Variants in ZNF138 observed in about 807,000 individuals in gnomAD.
ZNF138 encodes the protein zinc finger protein 138.
ZNF138 carries 33 observed loss-of-function variants against 33.0 expected under a neutral mutation model. The ratio of observed to expected loss-of-function variants is 1.00; its 90% CI spans 0.76 to 1.34. The LOEUF is 1.34. ZNF138 is among the 40% of genes most tolerant of loss of function. The pLI is 0.00. For synonymous variants in ZNF138, 139 were observed against 120.4 expected (o/e 1.15, Z -1.01); for missense variants, 360 against 370.8 (o/e 0.97, Z 0.24).
intron 3 of ZNF138, among the ~76,000 whole-genome samples, chr7:64,828,661 A>G (rs1163637278): frequency 6.6e-6 from 1 of 152,116 alleles, no homozygotes; most frequent in South Asian, 2.1e-4. Context: ...GAAAGTATAT[A>G]TATGTTGCAT....
the ZNF138 span, among the ~76,000 whole-genome samples, chr7:64,859,636 A>G: frequency 5.9e-5 from 9 of 152,230 alleles, no homozygotes; most frequent in African/African-American, 2.2e-4. Flanking sequence ...ATTGCAATGT[A>G]GTAAAGTTGA....
At chr7:64,830,273 G>A (rs1473631705) in intron 3 of ZNF138, among the ~76,000 whole-genome samples, 1 of 151,608 alleles carries the variant, frequency 6.6e-6, no homozygotes, top group Non-Finnish European at 1.5e-5. Flanking sequence ...AGTTTGTTGA[G>A]CCTTTTCATT....
chr7:64,813,037 G>GT (rs1788308972), intron 1 of ZNF138, among the ~76,000 whole-genome samples: 1 of 147,832 alleles, frequency 6.8e-6, no homozygotes, highest in Admixed American at 6.7e-5. Flanking sequence ...GAAAAAAAAT[G>GT]TTTTTTCCTG....
the ZNF138 span, among the ~76,000 whole-genome samples, chr7:64,839,288 G>T: frequency 6.6e-6 from 1 of 152,190 alleles, no homozygotes; most frequent in Non-Finnish European, 1.5e-5. Context: ...AAGTTGGGAG[G>T]TTGCGCAGGA....
intron 2 of ZNF138, 83 bp from the exon 3 acceptor site, chr7:64,815,493 T>G: frequency 8.1e-7 from 1 of 1,238,110 alleles, no homozygotes; most frequent in Non-Finnish European, 1.2e-6. Context: ...ACTGAGCACA[T>G]TACTAGGTTG....
Position 64,830,986 on chromosome 7 carries a change from C to A in ZNF138, c.209-465C>A, listed in dbSNP as rs774770272. On this transcript the variant is annotated intron_variant, in intron 3 of 3. Coordinates refer to ENST00000307355, the MANE Select transcript of ZNF138 (RefSeq NM_001271639.2). ...TCAGTGGACTCAACATTTTGTCATT[C>A]CAAAGTATCCTGCCATTTGTTTCAG... The A allele has an allele frequency of 3.9e-6, 6 of 1,551,588 alleles. No homozygotes were observed. The South Asian group carries it at 7.1e-5, about 18-fold the overall frequency.
At chr7:64,808,645 G>T (rs1261118466) in intron 1 of ZNF138, among the ~76,000 whole-genome samples, 1 of 150,088 alleles carries the variant, frequency 6.7e-6, no homozygotes, top group African/African-American at 2.4e-5. Context: ...CACAGAGGGG[G>T]ATTTGGCAGG....
intron 3 of ZNF138, among the ~76,000 whole-genome samples, chr7:64,816,686 C>A (rs759470654): frequency 2.6e-5 from 4 of 151,900 alleles, no homozygotes; most frequent in Non-Finnish European, 5.9e-5. Flanking sequence ...TAAACTAATT[C>A]TTTTGCCACA....
intron 3 of ZNF138, among the ~76,000 whole-genome samples, chr7:64,816,642 T>C (rs961619915): frequency 6.6e-6 from 1 of 152,242 alleles, no homozygotes. Flanking sequence ...AGCAACGTTT[T>C]ACTTGTCTTC....
chr7:64,825,370 C>T (rs1240542764), intron 3 of ZNF138, among the ~76,000 whole-genome samples: 1 of 151,042 alleles, frequency 6.6e-6, no homozygotes, highest in African/African-American at 2.4e-5. Flanking sequence ...GACGGAGTCT[C>T]ACCGTGTTAG....
intron 1 of ZNF138, among the ~76,000 whole-genome samples, chr7:64,798,295 G>C (rs1562883377): frequency 1.3e-5 from 2 of 152,204 alleles, no homozygotes; most frequent in Non-Finnish European, 2.9e-5. Flanking sequence ...AAGTTTTTAG[G>C]AGAAACATAA....
At chr7:64,859,075 A>G in the ZNF138 span, among the ~76,000 whole-genome samples, 1 of 151,986 alleles carries the variant, frequency 6.6e-6, no homozygotes, top group African/African-American at 2.4e-5. Flanking sequence ...TTACAGGCAC[A>G]CACCACCACA....
At chr7:64,829,252 A>G (rs764537400) in intron 3 of ZNF138, among the ~76,000 whole-genome samples, 26 of 149,784 alleles carry the variant, frequency 1.7e-4, no homozygotes, top group Non-Finnish European at 8.9e-5. Context: ...CTCTTTCCTT[A>G]CTAATATTTT....
At chr7:64,817,971 A>G (rs1788798076) in intron 3 of ZNF138, among the ~76,000 whole-genome samples, 1 of 150,134 alleles carries the variant, frequency 6.7e-6, no homozygotes, top group Non-Finnish European at 1.5e-5. Context: ...GTATCTTAAT[A>G]ATAACATTAT....
downstream of ZNF138, among the ~76,000 whole-genome samples, chr7:64,837,166 G>T (rs146145776): frequency 6.6e-6 from 1 of 152,150 alleles, no homozygotes; most frequent in African/African-American, 2.4e-5. Flanking sequence ...GGGGAGGGAA[G>T]TGACAGTCCA....
At chr7:64,816,433 G>C (rs1467282923) in intron 3 of ZNF138, among the ~76,000 whole-genome samples, 1 of 149,626 alleles carries the variant, frequency 6.7e-6, no homozygotes, top group Non-Finnish European at 1.5e-5. Context: ...GTTCTCAGAA[G>C]TTTATTATTG....
chr7:64,825,565 G>A (rs1789537149), intron 3 of ZNF138, among the ~76,000 whole-genome samples: 1 of 138,372 alleles, frequency 7.2e-6, no homozygotes, highest in Admixed American at 7.4e-5. Flanking sequence ...TTTTGAGACA[G>A]AGTATTGCTC....
intron 1 of ZNF138, among the ~76,000 whole-genome samples, chr7:64,813,033 A>C (rs902384569): frequency 1.3e-5 from 2 of 148,172 alleles, no homozygotes; most frequent in East Asian, 2.0e-4. Flanking sequence ...CTCTGAAAAA[A>C]AATGTTTTTT....
At position 64,794,481 on chromosome 7, in the gene ZNF138, A is replaced by G. The variant is rs1310132338; in HGVS notation, c.-88A>G. Reference sequence around the variant, plus strand: ...GGCCTTCACTTTTCTGCGTCCTCTTACTCCTAGAGGCCCAGCCTCTGTGGC... The same window carrying G: ...GGCCTTCACTTTTCTGCGTCCTCTTGCTCCTAGAGGCCCAGCCTCTGTGGC... On this transcript the variant is annotated 5_prime_UTR_variant, in exon 1 of 4. Transcript: ENST00000307355. 1.3e-6 allele frequency: 2 copies of G among 1,592,112 alleles called. No homozygotes were observed. Among genetic ancestry groups the G allele is most frequent in the South Asian group, 2.2e-5 (2 of 90,686 alleles).
Sources: allele counts gnomAD v4.1 joint callset (sites outside exome capture counted in the v4.1 genomes callset), GRCh38; gene constraint gnomAD v4.1.1; transcripts MANE v1.5; gene names NCBI Gene and HGNC (gene_info 2026-07-23, HGNC 2026-07-21).